Variants in MLKL observed in about 807,000 individuals in gnomAD.
MLKL encodes the protein mixed lineage kinase domain like pseudokinase.
Under a neutral mutation model 56.5 loss-of-function variants are expected in MLKL, and 55 were observed. The ratio of observed to expected loss-of-function variants is 0.97; its 90% CI spans 0.78 to 1.22. The LOEUF (loss-of-function observed/expected upper bound fraction) is 1.22, where lower values mean the gene tolerates loss of function less well. Among genes scored for constraint, MLKL ranks in the 50% most tolerant of loss-of-function variants. The pLI is 0.00. For missense variants in MLKL, 694 were observed against 573.9 expected, an observed-to-expected ratio of 1.21 and a Z score of -2.14; for synonymous variants, 251 against 208.3, an observed-to-expected ratio of 1.20 and a Z score of -1.76.
chr16:74,679,315 G>A (rs1959797081), intron 6 of MLKL, among the ~76,000 whole-genome samples: 1 of 152,156 alleles, frequency 6.6e-6, no homozygotes, highest in African/African-American at 2.4e-5. Flanking sequence ...GGCATGGCTG[G>A]GTGGCTGGAC....
Position 74,695,649 on chromosome 16 carries a change from C to T in MLKL, c.109G>A (p.Gly37Ser), listed in dbSNP as rs756077475. 1.9e-6 allele frequency: 3 copies of T among 1,614,144 alleles called. No individual in the cohort carries two copies. Among genetic ancestry groups the T allele is most frequent in the Admixed American group, 3.3e-5 (2 of 60,024 alleles). ...AGCATCTCCAGAGGCTTGATCAGGC[C>T]GAGGACGCGGTGGCCCAGGCGCCGG... ...QCRRLGHRVL[G>S]LIKPLEMLQD... The change falls in exon 2 of 11, where the codon GGC becomes AGC. Residue 37 changes from glycine to serine, a missense_variant. Transcript: ENST00000308807.
chr16:74,696,649 A>G (rs892848954), intron 1 of MLKL, among the ~76,000 whole-genome samples: 3 of 151,830 alleles, frequency 2.0e-5, no homozygotes, highest in Admixed American at 1.3e-4. Context: ...AAAATAAAAT[A>G]AAATGAAATA....
At chr16:74,685,685 GC>G in intron 4 of MLKL, 102 bp from the exon 5 acceptor site, 1 of 848,970 alleles carries the variant, frequency 1.2e-6, no homozygotes, top group Non-Finnish European at 1.9e-6. Context: ...GGGGGTATCA[GC>G]ATCTGGGGTG....
chr16:74,675,348 T>G lies in MLKL; in HGVS notation c.1240+7A>C. 6.2e-7 allele frequency: 1 copy of G among 1,614,168 alleles called. No homozygotes were observed. Among genetic ancestry groups the G allele is most frequent in the South Asian group, 1.1e-5 (1 of 91,078 alleles). On this transcript the variant is annotated splice_region_variant and intron_variant, in intron 9 of 10. Coordinates refer to ENST00000308807, the MANE Select transcript of MLKL (RefSeq NM_152649.4). ...CCACTGGCTGAGCCAGTCTTCACAT[T>G]CTTCACCTTGAAACGGGATATCTCC... is the stretch of plus-strand genomic sequence containing the variant.
chr16:74,672,646 CT>C, intron 10 of MLKL, 108 bp from the exon 11 acceptor site: 1 of 956,532 alleles, frequency 1.0e-6, no homozygotes, highest in Non-Finnish European at 1.6e-6. Flanking sequence ...TGCATTCCCC[CT>C]GGTCTGGCTG....
intron 2 of MLKL, among the ~76,000 whole-genome samples, chr16:74,694,765 GAAACA>G (rs973027530): frequency 1.3e-5 from 2 of 152,186 alleles, no homozygotes; most frequent in Admixed American, 6.5e-5. Context: ...CTCAAAAAAT[GAAACA>G]AAACAAAACA....
At chr16:74,673,659 T>A (rs1474091154) in intron 10 of MLKL, among the ~76,000 whole-genome samples, 2 of 151,178 alleles carry the variant, frequency 1.3e-5, no homozygotes, top group Non-Finnish European at 2.9e-5. Flanking sequence ...AAAGTCTGCA[T>A]CGAGGAAATA....
In MLKL at chr16:74,695,803, G is replaced by A. The variant is rs753866549; in HGVS notation, c.-2-44C>T. On this transcript the variant is annotated intron_variant, in intron 1 of 10. Coordinates refer to ENST00000308807, the MANE Select transcript of MLKL (RefSeq NM_152649.4). ...ATTTGGTGAAATCCCCAAATCTCCTGCATATTCACTACTTGGCTAAGAAAG... is the reference window on the plus strand; with the variant it reads ...ATTTGGTGAAATCCCCAAATCTCCTACATATTCACTACTTGGCTAAGAAAG... 6.0e-6 allele frequency: 9 copies of A among 1,488,166 alleles called. No individual in the cohort carries two copies. In the South Asian group the frequency reaches 8.9e-5, roughly 15 times the overall value. 92.2% of individuals were successfully genotyped at this position (1,488,166 alleles called of 1,614,324 possible). A position where few individuals can be genotyped will look rare whatever the true frequency, so the allele number is the denominator to read the frequency against.
chr16:74,695,703 C>T lies in MLKL; in HGVS notation c.55G>A (p.Glu19Lys), dbSNP rs146865744. The change falls in exon 2 of 11, where the codon GAA (glutamate) becomes AAA (lysine). Residue 19 changes from glutamate (E) to lysine (K), a missense_variant. Coordinates refer to ENST00000308807, the MANE Select transcript of MLKL (RefSeq NM_152649.4). ...TLGQVIHKRCEEMKYCKKQCR... is the reference protein window; with the variant it reads ...TLGQVIHKRCKEMKYCKKQCR... Reference sequence around the variant, plus strand: ...TGTTTCTTGCAGTATTTCATCTCTTCACACCGTTTGTGGATGACCTGGCCA... The same window carrying T: ...TGTTTCTTGCAGTATTTCATCTCTTTACACCGTTTGTGGATGACCTGGCCA... 4,425 of 1,613,856 alleles carry T rather than the reference C, an allele frequency of 2.7e-3. 41 individuals are homozygous for T. Among genetic ancestry groups the T allele is most frequent in the Non-Finnish European group, 2.4e-3 (2,799 of 1,179,970 alleles).
At chr16:74,682,057 G>A (rs2144488907) in intron 6 of MLKL, among the ~76,000 whole-genome samples, 1 of 151,614 alleles carries the variant, frequency 6.6e-6, no homozygotes, top group South Asian at 2.1e-4. Context: ...ACCAGCCTAG[G>A]CAGCATGGCA....
intron 4 of MLKL, 113 bp from the exon 5 acceptor site, chr16:74,685,696 G>A (rs370348260): frequency 4.0e-6 from 3 of 756,398 alleles, no homozygotes; most frequent in Non-Finnish European, 4.5e-6. Context: ...CATCTGGGGT[G>A]AGAACTGGTG....
intron 2 of MLKL, among the ~76,000 whole-genome samples, chr16:74,692,798 G>C (rs1474415192): frequency 1.3e-5 from 2 of 152,238 alleles, no homozygotes; most frequent in African/African-American, 4.8e-5. Flanking sequence ...GAGTCCCCTG[G>C]ACTTTGCCTG....
intron 1 of MLKL, among the ~76,000 whole-genome samples, chr16:74,699,799 G>A (rs1435613921): frequency 6.6e-6 from 1 of 152,076 alleles, no homozygotes; most frequent in African/African-American, 2.4e-5. Context: ...ATTTAATTGG[G>A]TGTGGTGATG....
At chr16:74,687,973 C>A (rs1254914164) in intron 4 of MLKL, among the ~76,000 whole-genome samples, 1 of 152,140 alleles carries the variant, frequency 6.6e-6, no homozygotes, top group Non-Finnish European at 1.5e-5. Flanking sequence ...CTACAGGTGC[C>A]CGCCACCACA....
rs545033158 is a variant in MLKL at position 74,680,888 on chromosome 16, T to G, written c.956+1763A>C. On this transcript the variant is annotated intron_variant, in intron 6 of 10. Transcript: ENST00000308807. ...AATGTGGGTTGGATCACAGAGCTTC[T>G]GGCAGGCAGCCTCATCCAGCCAGAA... is the stretch of plus-strand genomic sequence containing the variant. Among the ~76,000 whole-genome samples the G allele has an allele frequency of 1.5e-3, 233 of 152,340 alleles. 3 individuals carry two copies. In the South Asian group the frequency reaches 0.016, roughly 10 times the overall value.
intron 6 of MLKL, among the ~76,000 whole-genome samples, chr16:74,681,188 G>A (rs1959943239): frequency 6.6e-6 from 1 of 151,918 alleles, no homozygotes; most frequent in Non-Finnish European, 1.5e-5. Context: ...ACCATGCTGG[G>A]CTAATTTCTG....
At chr16:74,698,269 T>A (rs1961170567) in intron 1 of MLKL, among the ~76,000 whole-genome samples, 1 of 152,184 alleles carries the variant, frequency 6.6e-6, no homozygotes, top group Admixed American at 6.5e-5. Context: ...AGTTTTTTTT[T>A]TTTTAACAGC....
At chr16:74,697,054 T>TTA (rs1462752324) in intron 1 of MLKL, among the ~76,000 whole-genome samples, 2 of 147,988 alleles carry the variant, frequency 1.4e-5, no homozygotes, top group East Asian at 1.9e-4. Context: ...TACATATATA[T>TTA]TATATATATA....
In MLKL at chr16:74,675,187, G is replaced by C; in HGVS notation, c.1241-87C>G. 2.5e-6 allele frequency: 4 copies of C among 1,569,486 alleles called. No homozygotes were observed. In the East Asian group the frequency reaches 9.0e-5, roughly 35 times the overall value. ...GCTGATGGCTGGCATCAGAACTAGGGACTCTGAGTATGGAAACAACAAGAA... is the reference window on the plus strand; with the variant it reads ...GCTGATGGCTGGCATCAGAACTAGGCACTCTGAGTATGGAAACAACAAGAA... On this transcript the variant is annotated intron_variant, in intron 9 of 10. Transcript: ENST00000308807.
Sources: gnomAD v4.1 joint callset for allele counts (sites outside exome capture counted in the v4.1 genomes callset) on GRCh38, gnomAD v4.1.1 for gene constraint, MANE v1.5 for transcripts, NCBI Gene and HGNC (gene_info 2026-07-23, HGNC 2026-07-21) for gene names.